SPEF2: variants seen among roughly 807,000 people sequenced by gnomAD.
SPEF2 encodes sperm flagellar and cilia associated 2, also known as sperm flagella and cilia-associated protein 2.
Under a neutral mutation model 224.6 loss-of-function variants are expected in SPEF2, and 187 were observed. That is an observed-to-expected ratio of 0.83 (90% CI 0.74 to 0.94). The LOEUF (loss-of-function observed/expected upper bound fraction) is 0.94. SPEF2 is among the 40% of genes least tolerant of loss of function. The pLI is 0.00. For missense variants in SPEF2, 2,170 were observed against 2,135.6 expected (o/e 1.02, Z -0.32); for synonymous variants, 715 against 707.3 (o/e 1.01, Z -0.17).
intron 21 of SPEF2, among the ~76,000 whole-genome samples, chr5:35,733,124 T>A (rs185843302): frequency 6.8e-6 from 1 of 147,604 alleles, no homozygotes; most frequent in Non-Finnish European, 1.5e-5. Flanking sequence ...TTGTTTTTTG[T>A]TTTTTTTTGA....
intron 7 of SPEF2, among the ~76,000 whole-genome samples, chr5:35,655,220 G>C (rs1021325055): frequency 6.6e-6 from 1 of 152,064 alleles, no homozygotes; most frequent in Admixed American, 6.6e-5. Flanking sequence ...CAGATTATTG[G>C]GCCCCACCCC....
intron 2 of SPEF2, among the ~76,000 whole-genome samples, chr5:35,630,114 C>T (rs566704549): frequency 2.0e-5 from 3 of 152,146 alleles, no homozygotes; most frequent in African/African-American, 7.2e-5. Flanking sequence ...GAAGTGAGCT[C>T]CCATGGCCTT....
chr5:35,642,628 G>C (rs1267950853), intron 3 of SPEF2, among the ~76,000 whole-genome samples: 1 of 152,142 alleles, frequency 6.6e-6, no homozygotes. Context: ...TGACTTTTTA[G>C]TTGACAATTC....
chr5:35,641,899 A>G, intron 3 of SPEF2: 1 of 437,270 alleles, frequency 2.3e-6, no homozygotes, highest in Non-Finnish European at 4.0e-6. Flanking sequence ...CCAATAGCTT[A>G]TCAAACTCTT....
At chr5:35,730,289 T>C (rs1454414676) in intron 21 of SPEF2, among the ~76,000 whole-genome samples, 1 of 152,208 alleles carries the variant, frequency 6.6e-6, no homozygotes, top group African/African-American at 2.4e-5. Context: ...AGAAGGCAGT[T>C]AGAGTGAGAG....
At position 35,756,018 on chromosome 5, in the gene SPEF2, C is replaced by T. The variant is rs1456166472; in HGVS notation, c.3468+2257C>T. On this transcript the variant is annotated intron_variant, in intron 24 of 36. Coordinates refer to ENST00000356031, the MANE Select transcript of SPEF2 (RefSeq NM_024867.4). ...AGCCAGTACAGTAGCTCCCCCTTCT[C>T]CTCAGGTTTATTTTCCATAGTTTGT... is the stretch of plus-strand genomic sequence containing the variant. 3.9e-5 allele frequency among the ~76,000 whole-genome samples: 6 copies of T among 152,140 alleles called. No individual in the cohort carries two copies. The East Asian group carries it at 1.2e-3, about 29-fold the overall frequency.
rs549651889 is a variant in SPEF2, at chr5:35,617,965, C to T, written c.-33C>T. 2.1e-5 allele frequency: 33 copies of T among 1,559,186 alleles called. No homozygotes were observed. The East Asian group carries it at 6.2e-4, about 29-fold the overall frequency. On this transcript the variant is annotated 5_prime_UTR_variant, in exon 1 of 37. Transcript: ENST00000356031. The stretch of plus-strand genomic sequence containing the variant: ...GCTTGGTTCCTGGCGAGTTTCTAAG[C>T]CCCCGCCTGCGGTCTGAGGCACCGG...
chr5:35,668,193 A>C (rs749913932), intron 9 of SPEF2, among the ~76,000 whole-genome samples: 26 of 152,300 alleles, frequency 1.7e-4, no homozygotes, highest in Non-Finnish European at 2.5e-4. Context: ...TTAAATTCAC[A>C]CAAAAACCTG....
chr5:35,663,204 C>A (rs1224208962), intron 8 of SPEF2, among the ~76,000 whole-genome samples: 4 of 152,040 alleles, frequency 2.6e-5, no homozygotes, highest in Non-Finnish European at 5.9e-5. Flanking sequence ...CTTTGACTTC[C>A]TTATATTCTT....
chr5:35,777,643 T>A (rs11747417), intron 29 of SPEF2, among the ~76,000 whole-genome samples: 1 of 149,330 alleles, frequency 6.7e-6, no homozygotes, highest in Admixed American at 6.7e-5. Flanking sequence ...CCACAAGAAG[T>A]TAAAACCTAG....
At position 35,618,168 on chromosome 5, in the gene SPEF2, G is replaced by A. The variant is rs527516761; in HGVS notation, c.58+113G>A. ...CGGGCAGGGCGCGAGCTGCACAGGTGGGGCACCTGCGTAGCCGGCAGCATC... is the reference window on the plus strand; with the variant it reads ...CGGGCAGGGCGCGAGCTGCACAGGTAGGGCACCTGCGTAGCCGGCAGCATC... On this transcript the variant is annotated intron_variant, in intron 1 of 36. Coordinates refer to ENST00000356031, the MANE Select transcript of SPEF2 (RefSeq NM_024867.4). 7.7e-6 allele frequency: 9 copies of A among 1,169,712 alleles called. No homozygotes were observed. In the East Asian group the frequency reaches 1.0e-4, roughly 13 times the overall value. The allele number at this position is 1,169,712 out of a possible 1,614,324, so 72.5% of individuals were successfully genotyped here.
chr5:35,719,927 G>A (rs1400556503), intron 20 of SPEF2, among the ~76,000 whole-genome samples: 1 of 152,098 alleles, frequency 6.6e-6, no homozygotes, highest in African/African-American at 2.4e-5. Context: ...GCCAGAGAGT[G>A]ACATTCTTTA....
At chr5:35,634,107 T>C (rs1453015299) in intron 2 of SPEF2, among the ~76,000 whole-genome samples, 5 of 152,162 alleles carry the variant, frequency 3.3e-5, no homozygotes, top group Admixed American at 6.5e-5. Flanking sequence ...TTACTTCTAC[T>C]GATGTGCTTT....
rs1425937549 is a variant in SPEF2 at position 35,814,563 on chromosome 5, A to C, written c.*10A>C. The C allele has an allele frequency of 6.4e-7, 1 of 1,562,468 alleles. No individual in the cohort carries two copies. The highest frequency in any genetic ancestry group is 2.3e-5 in the East Asian group (1 of 43,790). ...AGAGGAAAAGAAATGAAGACAAAAG[A>C]GTGTGATTTTTTTAATTCTGCAATA... On this transcript the variant is annotated 3_prime_UTR_variant, in exon 37 of 37. Coordinates refer to ENST00000356031, the MANE Select transcript of SPEF2 (RefSeq NM_024867.4).
At position 35,653,221 on chromosome 5, in the gene SPEF2, G is replaced by A. The variant is rs60935063; in HGVS notation, c.792-1319G>A. Reference sequence around the variant, plus strand: ...CACTGGGTTCTTCCTGATCCTTTACGTTTTGGACATGAGATAGGACAAGAG... The same window carrying A: ...CACTGGGTTCTTCCTGATCCTTTACATTTTGGACATGAGATAGGACAAGAG... On this transcript the variant is annotated intron_variant, in intron 6 of 36. Transcript: ENST00000356031. 7.0e-3 allele frequency among the ~76,000 whole-genome samples: 1,064 copies of A among 152,242 alleles called. 15 individuals carry two copies. The highest frequency in any genetic ancestry group is 0.025 in the African/African-American group (1,029 of 41,538).
rs6861184 is a variant in SPEF2, at chr5:35,771,889, G to A, written c.3949+133G>A. 21,584 of 1,124,122 alleles carry A rather than the reference G, an allele frequency of 0.019. 1,744 individuals are homozygous for A. In the African/African-American group the frequency reaches 0.2, roughly 11 times the overall value. The allele number at this position is 1,124,122 out of a possible 1,614,324, so 69.6% of individuals were successfully genotyped here. A position where few individuals can be genotyped will look rare whatever the true frequency, so the allele number is the denominator to read the frequency against. ...CTCATTAGGTTTAAACTAGAGACCC[G>A]GGCTTCTATGATTTGTGGTGTTAGT... On this transcript the variant is annotated intron_variant, in intron 27 of 36. Coordinates refer to ENST00000356031, the MANE Select transcript of SPEF2 (RefSeq NM_024867.4).
At chr5:35,722,242 GGGAACCAGCC>G (rs1743821131) in intron 20 of SPEF2, among the ~76,000 whole-genome samples, 1 of 152,118 alleles carries the variant, frequency 6.6e-6, no homozygotes, top group Admixed American at 6.5e-5. Context: ...GCTTGTGGCT[GGGAACCAGCC>G]ATCCAGCTGG....
intron 5 of SPEF2, among the ~76,000 whole-genome samples, chr5:35,649,106 G>A (rs1055064979): frequency 6.6e-5 from 10 of 151,940 alleles, no homozygotes; most frequent in African/African-American, 2.4e-4. Context: ...CTAATGAAAT[G>A]CCCTTTGGTG....
intron 36 of SPEF2, among the ~76,000 whole-genome samples, chr5:35,809,143 A>G (rs960193556): frequency 2.0e-5 from 3 of 152,076 alleles, no homozygotes; most frequent in East Asian, 3.9e-4. Context: ...AGCACTTGGC[A>G]TGGTATCTGA....
Sources: allele counts gnomAD v4.1 joint callset (sites outside exome capture counted in the v4.1 genomes callset), GRCh38; gene constraint gnomAD v4.1.1; transcripts MANE v1.5; gene names NCBI Gene and HGNC (gene_info 2026-07-23, HGNC 2026-07-21).